Variants in FARS2 observed in about 807,000 individuals in gnomAD.
The protein encoded by FARS2 is phenylalanyl-tRNA synthetase 2, mitochondrial.
FARS2 carries 40 observed loss-of-function variants against 46.4 expected under a neutral mutation model. The ratio of observed to expected loss-of-function variants is 0.86; its 90% CI spans 0.67 to 1.12. FARS2 has a LOEUF of 1.12. FARS2 is among the 50% of genes most tolerant of loss of function. FARS2 has a pLI of 0.00. For synonymous variants in FARS2, 234 were observed against 214.9 expected (o/e 1.09, Z -0.78); for missense variants, 513 against 567.9 (o/e 0.90, Z 0.98).
chr6:5,377,730 A>G (rs1419670499), intron 2 of FARS2, among the ~76,000 whole-genome samples: 3 of 152,124 alleles, frequency 2.0e-5, no homozygotes, highest in South Asian at 2.1e-4. Context: ...TTATAAAGGT[A>G]TATTTATTTA....
intron 1 of FARS2, among the ~76,000 whole-genome samples, chr6:5,284,243 A>T (rs1481596991): frequency 6.6e-6 from 1 of 152,074 alleles, no homozygotes; most frequent in Admixed American, 6.6e-5. Context: ...CAGAGGTTGG[A>T]CTTATATGGA....
At chr6:5,554,328 A>T (rs1771533099) in intron 5 of FARS2, among the ~76,000 whole-genome samples, 1 of 152,206 alleles carries the variant, frequency 6.6e-6, no homozygotes, top group African/African-American at 2.4e-5. Context: ...ACGAGGAAAG[A>T]AGAGAAAGGG....
chr6:5,253,518 T>A, the FARS2 span, among the ~76,000 whole-genome samples: 1 of 152,194 alleles, frequency 6.6e-6, no homozygotes, highest in Admixed American at 6.5e-5. Context: ...AATTTTCTTA[T>A]TTGAGCTCAA....
chr6:5,477,294 G>C (rs1766180143), intron 4 of FARS2, among the ~76,000 whole-genome samples: 1 of 152,184 alleles, frequency 6.6e-6, no homozygotes, highest in South Asian at 2.1e-4. Context: ...ACTAGTTTCT[G>C]AGCAGTGTCT....
chr6:5,410,929 CAG>C (rs1294017424), intron 3 of FARS2, among the ~76,000 whole-genome samples: 1 of 152,092 alleles, frequency 6.6e-6, no homozygotes, highest in Non-Finnish European at 1.5e-5. Context: ...AACCTAGACA[CAG>C]AGAAAAAGTG....
chr6:5,678,674 A>G (rs369915796), intron 6 of FARS2, among the ~76,000 whole-genome samples: 1 of 152,152 alleles, frequency 6.6e-6, no homozygotes, highest in South Asian at 2.1e-4. Context: ...AGCTTCAAAC[A>G]TGTCTCATTC....
At chr6:5,462,759 CTG>C (rs1316634278) in intron 4 of FARS2, among the ~76,000 whole-genome samples, 1 of 152,232 alleles carries the variant, frequency 6.6e-6, no homozygotes, top group Non-Finnish European at 1.5e-5. Context: ...AGTTCTCAAA[CTG>C]TTCTTCTTTC....
rs961058799 is a variant in FARS2 at position 5,294,625 on chromosome 6, G to A, written c.-22+32965G>A. On this transcript the variant is annotated intron_variant, in intron 1 of 6. Coordinates refer to ENST00000274680, the MANE Select transcript of FARS2 (RefSeq NM_006567.5). Reference sequence around the variant, plus strand: ...TTCTGACTGATGACTTCCTCTTTGGGTGTGGTTAATTTTCTGGAGAGGCTC... The same window carrying A: ...TTCTGACTGATGACTTCCTCTTTGGATGTGGTTAATTTTCTGGAGAGGCTC... Among the ~76,000 whole-genome samples, 5 of 152,158 alleles carry A rather than the reference G, an allele frequency of 3.3e-5. No homozygotes were observed. In the East Asian group the frequency reaches 5.8e-4, roughly 18 times the overall value.
At chr6:5,435,424 G>A (rs1025248020) in intron 4 of FARS2, among the ~76,000 whole-genome samples, 2 of 152,228 alleles carry the variant, frequency 1.3e-5, no homozygotes, top group African/African-American at 4.8e-5. Context: ...AGCAACTGTG[G>A]CATATATGTG....
At chr6:5,627,431 A>G (rs1421358427) in intron 6 of FARS2, among the ~76,000 whole-genome samples, 1 of 152,272 alleles carries the variant, frequency 6.6e-6, no homozygotes, top group Non-Finnish European at 1.5e-5. Flanking sequence ...GCTGTGGTCT[A>G]GACATTTACA....
At chr6:5,539,442 C>G (rs914060528) in intron 4 of FARS2, among the ~76,000 whole-genome samples, 1 of 140,990 alleles carries the variant, frequency 7.1e-6, no homozygotes, top group Non-Finnish European at 1.5e-5. Context: ...CCATGTTAGC[C>G]AGGATGGTTT....
chr6:5,547,753 T>C (rs1185201413), intron 5 of FARS2, among the ~76,000 whole-genome samples: 1 of 152,264 alleles, frequency 6.6e-6, no homozygotes, highest in Non-Finnish European at 1.5e-5. Flanking sequence ...GACGCAAGTG[T>C]GGCTCATTCT....
chr6:5,503,260 G>C (rs1251364925), intron 4 of FARS2, among the ~76,000 whole-genome samples: 1 of 151,382 alleles, frequency 6.6e-6, no homozygotes, highest in African/African-American at 2.4e-5. Context: ...TAGGTCAAAA[G>C]ACATGAAGTT....
chr6:5,721,241 A>G (rs1759885634), intron 6 of FARS2, among the ~76,000 whole-genome samples: 1 of 152,196 alleles, frequency 6.6e-6, no homozygotes, highest in Non-Finnish European at 1.5e-5. Flanking sequence ...CTGGTCTAAG[A>G]AGACAACTAG....
intron 1 of FARS2, among the ~76,000 whole-genome samples, chr6:5,295,580 G>A (rs1767799161): frequency 6.6e-6 from 1 of 152,154 alleles, no homozygotes; most frequent in Non-Finnish European, 1.5e-5. Flanking sequence ...TGAATAGCAA[G>A]GGGACTTTCT....
At chr6:5,708,495 G>A (rs1280425682) in intron 6 of FARS2, among the ~76,000 whole-genome samples, 2 of 152,134 alleles carry the variant, frequency 1.3e-5, no homozygotes, top group East Asian at 3.9e-4. Context: ...GGAATCAGGT[G>A]AAAAGGGGGC....
At chr6:5,671,007 T>G (rs1173413855) in intron 6 of FARS2, among the ~76,000 whole-genome samples, 1 of 152,206 alleles carries the variant, frequency 6.6e-6, no homozygotes, top group Non-Finnish European at 1.5e-5. Context: ...CACACTATAA[T>G]GAATAATGAG....
intron 4 of FARS2, among the ~76,000 whole-genome samples, chr6:5,522,711 A>C (rs767266774): frequency 6.6e-6 from 1 of 152,168 alleles, no homozygotes; most frequent in Non-Finnish European, 1.5e-5. Flanking sequence ...AAGAGTGGCC[A>C]TTTTCTTGAC....
chr6:5,618,936 T>C (rs546244656), intron 6 of FARS2, among the ~76,000 whole-genome samples: 228 of 152,330 alleles, frequency 1.5e-3, no homozygotes, highest in South Asian at 3.7e-3. Context: ...GAACTTGATA[T>C]CCCCTCCATC....
Sources: gnomAD v4.1 joint callset for allele counts (sites outside exome capture counted in the v4.1 genomes callset) on GRCh38, gnomAD v4.1.1 for gene constraint, MANE v1.5 for transcripts, NCBI Gene and HGNC (gene_info 2026-07-23, HGNC 2026-07-21) for gene names.